Variants in ADAMTS6 observed in about 807,000 individuals in gnomAD.
The protein encoded by ADAMTS6 is ADAM metallopeptidase with thrombospondin type 1 motif 6.
A neutral mutation model predicts 144.3 loss-of-function variants in ADAMTS6; 23 were observed. That is an observed-to-expected ratio of 0.16 (90% confidence interval 0.11 to 0.23). The LOEUF (loss-of-function observed/expected upper bound fraction) is 0.23. ADAMTS6 is among the 10% of genes least tolerant of loss of function. ADAMTS6 has a pLI of 1.00. For synonymous variants in ADAMTS6, 444 were observed against 457.5 expected (o/e 0.97, Z 0.38); for missense variants, 999 against 1,379.6 (o/e 0.72, Z 4.37).
At chr5:65,176,544 T>C (rs941136371) in intron 22 of ADAMTS6, among the ~76,000 whole-genome samples, 2 of 152,136 alleles carry the variant, frequency 1.3e-5, no homozygotes, top group African/African-American at 4.8e-5. Flanking sequence ...TTGGCTAAAG[T>C]TAAAGGGGTA....
At chr5:65,254,343 A>G (rs1212077728) in intron 14 of ADAMTS6, among the ~76,000 whole-genome samples, 1 of 152,198 alleles carries the variant, frequency 6.6e-6, no homozygotes, top group African/African-American at 2.4e-5. Flanking sequence ...AAATTGGGTT[A>G]GAGGCAGACG....
At chr5:65,281,897 G>A (rs1056568332) in intron 11 of ADAMTS6, among the ~76,000 whole-genome samples, 1 of 151,928 alleles carries the variant, frequency 6.6e-6, no homozygotes, top group Non-Finnish European at 1.5e-5. Flanking sequence ...CTTTTCTAAT[G>A]TTTTCATTAT....
At chr5:65,255,947 A>G (rs1760618492) in intron 14 of ADAMTS6, among the ~76,000 whole-genome samples, 1 of 152,204 alleles carries the variant, frequency 6.6e-6, no homozygotes, top group South Asian at 2.1e-4. Context: ...AGCTCACTGC[A>G]GCCTCAGACT....
At chr5:65,337,978 C>G (rs572969993) in intron 7 of ADAMTS6, among the ~76,000 whole-genome samples, 1 of 152,184 alleles carries the variant, frequency 6.6e-6, no homozygotes, top group Non-Finnish European at 1.5e-5. Context: ...ACACCCTTTA[C>G]AAAAATCAGT....
chr5:65,188,275 A>AT (rs1336367912), intron 21 of ADAMTS6, 55 bp from the exon 22 acceptor site: 1 of 1,581,050 alleles, frequency 6.3e-7, no homozygotes. Context: ...GCATCCAGAG[A>AT]TTTTTAGCTA....
At chr5:65,465,174 T>C (rs1198434738) in intron 3 of ADAMTS6, among the ~76,000 whole-genome samples, 1 of 152,198 alleles carries the variant, frequency 6.6e-6, no homozygotes. Flanking sequence ...GTTCATTCAG[T>C]ATCCCATTCT....
chr5:65,247,240 C>T (rs1167412643), intron 14 of ADAMTS6, among the ~76,000 whole-genome samples: 3 of 152,168 alleles, frequency 2.0e-5, no homozygotes, highest in Non-Finnish European at 4.4e-5. Flanking sequence ...ATCTTTATCA[C>T]CACTCTCTTT....
intron 7 of ADAMTS6, among the ~76,000 whole-genome samples, chr5:65,360,067 G>A (rs1374724603): frequency 6.6e-6 from 1 of 152,112 alleles, no homozygotes; most frequent in East Asian, 1.9e-4. Context: ...CCTGAGACTG[G>A]GTAATTTATA....
At chr5:65,198,372 G>A (rs1017180238) in intron 20 of ADAMTS6, among the ~76,000 whole-genome samples, 4 of 151,748 alleles carry the variant, frequency 2.6e-5, no homozygotes, top group African/African-American at 9.7e-5. Context: ...TAAAAAAACA[G>A]TGTGATCACA....
At chr5:65,408,762 C>T (rs1331581284) in intron 7 of ADAMTS6, among the ~76,000 whole-genome samples, 1 of 152,174 alleles carries the variant, frequency 6.6e-6, no homozygotes, top group African/African-American at 2.4e-5. Flanking sequence ...AAGCATTCCT[C>T]AGCAAATGAA....
chr5:65,238,085 CAA>C (rs796365969), intron 15 of ADAMTS6, among the ~76,000 whole-genome samples: 1 of 134,964 alleles, frequency 7.4e-6, no homozygotes, highest in Non-Finnish European at 1.6e-5. Context: ...GACTCTCTCT[CAA>C]AAAAAAAAAA....
intron 7 of ADAMTS6, among the ~76,000 whole-genome samples, chr5:65,352,852 T>A (rs1253561896): frequency 6.6e-6 from 1 of 152,058 alleles, no homozygotes; most frequent in Non-Finnish European, 1.5e-5. Context: ...TATATATATT[T>A]ACCAATAAAT....
At chr5:65,187,358 A>G (rs1399719108) in intron 22 of ADAMTS6, among the ~76,000 whole-genome samples, 2 of 152,178 alleles carry the variant, frequency 1.3e-5, no homozygotes, top group Admixed American at 1.3e-4. Flanking sequence ...CATCTATGCC[A>G]AGAAAACATT....
chr5:65,280,743 A>G (rs147557199), intron 11 of ADAMTS6, among the ~76,000 whole-genome samples: 108 of 152,304 alleles, frequency 7.1e-4, no homozygotes, highest in African/African-American at 2.4e-3. Context: ...TACCTGAAGG[A>G]ATGATTGTGT....
intron 4 of ADAMTS6, among the ~76,000 whole-genome samples, chr5:65,457,923 C>A (rs975986775): frequency 1.3e-5 from 2 of 151,636 alleles, no homozygotes; most frequent in African/African-American, 4.8e-5. Context: ...GACGGGGTTT[C>A]ACCATGTTGG....
intron 16 of ADAMTS6, 95 bp from the exon 17 acceptor site, chr5:65,225,142 C>A: frequency 1.5e-6 from 2 of 1,336,216 alleles, no homozygotes; most frequent in Non-Finnish European, 2.0e-6. Context: ...GCTTGTTTTT[C>A]CAGTAAAGAA....
chr5:65,232,406 T>C lies in ADAMTS6; in HGVS notation c.1934-6187A>G, dbSNP rs182227360. On this transcript the variant is annotated intron_variant, in intron 15 of 24. Transcript: ENST00000381055. ...GAGAAAATAAAATAAATTGAAAAGATAAACAAAATTGAGTTGATTTTTTTT... is the reference window on the plus strand; with the variant it reads ...GAGAAAATAAAATAAATTGAAAAGACAAACAAAATTGAGTTGATTTTTTTT... Among the ~76,000 whole-genome samples, 46 of 151,938 alleles carry C rather than the reference T, an allele frequency of 3.0e-4. No individual in the cohort carries two copies. In the South Asian group the frequency reaches 3.3e-3, roughly 11 times the overall value.
chr5:65,210,769 G>A, intron 20 of ADAMTS6: 1 of 623,642 alleles, frequency 1.6e-6, no homozygotes, highest in Non-Finnish European at 3.0e-6. Context: ...GGAAGATGAA[G>A]ATGCTTACAA....
chr5:65,304,256 G>A (rs1031869283), intron 9 of ADAMTS6, among the ~76,000 whole-genome samples: 6 of 152,170 alleles, frequency 3.9e-5, no homozygotes, highest in Non-Finnish European at 7.4e-5. Flanking sequence ...GTGACACAAA[G>A]TACAATGTTA....
Sources: gnomAD v4.1 joint callset for allele counts (sites outside exome capture counted in the v4.1 genomes callset) on GRCh38, gnomAD v4.1.1 for gene constraint, MANE v1.5 for transcripts, NCBI Gene and HGNC (gene_info 2026-07-23, HGNC 2026-07-21) for gene names.